MITF: variants seen among roughly 807,000 people sequenced by gnomAD.
MITF encodes the protein melanocyte inducing transcription factor, also known as microphthalmia-associated transcription factor.
MITF carries 17 observed loss-of-function variants against 60.5 expected under a neutral mutation model. The ratio of observed to expected loss-of-function variants is 0.28; its 90% CI spans 0.19 to 0.42. MITF has a LOEUF of 0.42. Among genes scored for constraint, MITF ranks in the 10% least tolerant of loss-of-function variants. The pLI is 1.00. For missense variants in MITF, 622 were observed against 683.5 expected (o/e 0.91, Z 1.00); for synonymous variants, 260 against 248.5 (o/e 1.05, Z -0.43).
intron 1 of MITF, among the ~76,000 whole-genome samples, chr3:69,821,406 G>A (rs2063269355): frequency 6.6e-6 from 1 of 152,066 alleles, no homozygotes. Flanking sequence ...GAGTCATAAA[G>A]CCTGAAAAAC....
intron 1 of MITF, among the ~76,000 whole-genome samples, chr3:69,780,678 T>C (rs1354459024): frequency 6.6e-6 from 1 of 152,172 alleles, no homozygotes; most frequent in African/African-American, 2.4e-5. Flanking sequence ...TCAGGACCTC[T>C]TGTGGCCTCT....
intron 9 of MITF, among the ~76,000 whole-genome samples, chr3:69,960,388 A>G (rs1393357770): frequency 6.6e-6 from 1 of 152,186 alleles, no homozygotes; most frequent in Non-Finnish European, 1.5e-5. Context: ...CTCAGTGGGT[A>G]TATGCACCAG....
At chr3:69,740,159 T>A (rs1297919626) in intron 1 of MITF, among the ~76,000 whole-genome samples, 1 of 151,934 alleles carries the variant, frequency 6.6e-6, no homozygotes, top group Non-Finnish European at 1.5e-5. Flanking sequence ...AGATGCGACA[T>A]TGGAGGGAAG....
chr3:69,940,929 G>T (rs970190204), intron 4 of MITF, among the ~76,000 whole-genome samples: 1 of 152,166 alleles, frequency 6.6e-6, no homozygotes, highest in Non-Finnish European at 1.5e-5. Flanking sequence ...AATAGTACCT[G>T]CCATGATACG....
At chr3:69,803,820 T>C (rs1176547003) in intron 1 of MITF, among the ~76,000 whole-genome samples, 2 of 151,742 alleles carry the variant, frequency 1.3e-5, no homozygotes, top group African/African-American at 4.8e-5. Flanking sequence ...TAATAACTCA[T>C]GTTTTTTTTT....
intron 7 of MITF, among the ~76,000 whole-genome samples, chr3:69,953,375 A>G (rs913446602): frequency 6.6e-6 from 1 of 152,080 alleles, no homozygotes; most frequent in African/African-American, 2.4e-5. Context: ...GTAAAGTGCA[A>G]ACATGATCAG....
At chr3:69,890,016 A>T (rs1253099978) in intron 2 of MITF, among the ~76,000 whole-genome samples, 2 of 152,162 alleles carry the variant, frequency 1.3e-5, no homozygotes, top group East Asian at 3.8e-4. Flanking sequence ...ACAATTATTA[A>T]TCACACGAAT....
At chr3:69,807,535 T>C (rs2063029378) in intron 1 of MITF, among the ~76,000 whole-genome samples, 1 of 152,248 alleles carries the variant, frequency 6.6e-6, no homozygotes, top group African/African-American at 2.4e-5. Context: ...AATGGAAATG[T>C]AATTTCATTT....
intron 2 of MITF, among the ~76,000 whole-genome samples, chr3:69,901,950 G>C (rs1448099624): frequency 2.6e-5 from 4 of 152,206 alleles, no homozygotes; most frequent in Non-Finnish European, 5.9e-5. Context: ...AGTAGAGGGA[G>C]CTGGCTTAGT....
intron 2 of MITF, among the ~76,000 whole-genome samples, chr3:69,929,047 A>G (rs1377326967): frequency 6.6e-6 from 1 of 152,148 alleles, no homozygotes; most frequent in African/African-American, 2.4e-5. Flanking sequence ...TAGTTCCTCT[A>G]GAGCTTTCTA....
At chr3:69,955,358 A>ATATTTG (rs2066370589) in intron 7 of MITF, among the ~76,000 whole-genome samples, 2 of 152,228 alleles carry the variant, frequency 1.3e-5, no homozygotes, top group Non-Finnish European at 2.9e-5. Context: ...AATGGATTTA[A>ATATTTG]GAAAATGTTA....
chr3:69,891,126 A>G (rs1266193331), intron 2 of MITF, among the ~76,000 whole-genome samples: 1 of 152,186 alleles, frequency 6.6e-6, no homozygotes, highest in Non-Finnish European at 1.5e-5. Context: ...AGTTGATTTC[A>G]GTTTTCCAGT....
chr3:69,900,156 A>G (rs2064964883), intron 2 of MITF, among the ~76,000 whole-genome samples: 2 of 152,116 alleles, frequency 1.3e-5, no homozygotes, highest in Non-Finnish European at 2.9e-5. Flanking sequence ...GGTGGGCCCT[A>G]TTGGGAGTGG....
intron 9 of MITF, among the ~76,000 whole-genome samples, chr3:69,960,326 TAGA>T (rs2066508702): frequency 6.6e-6 from 1 of 152,176 alleles, no homozygotes; most frequent in African/African-American, 2.4e-5. Flanking sequence ...TATACACCAT[TAGA>T]AGAAGACATA....
intron 1 of MITF, among the ~76,000 whole-genome samples, chr3:69,781,387 C>T (rs937994480): frequency 1.3e-5 from 2 of 152,044 alleles, no homozygotes; most frequent in Admixed American, 6.6e-5. Flanking sequence ...TTTATCATGG[C>T]GCTTTTTGTT....
chr3:69,803,024 G>A (rs943578866), intron 1 of MITF, among the ~76,000 whole-genome samples: 14 of 151,994 alleles, frequency 9.2e-5, no homozygotes, highest in Admixed American at 3.3e-4. Flanking sequence ...CGATCTGCCC[G>A]CCTCAGCCTC....
At chr3:69,814,325 T>C (rs56927902) in intron 1 of MITF, among the ~76,000 whole-genome samples, 23,416 of 152,026 alleles carry the variant, frequency 0.15, 2,104 homozygotes, top group South Asian at 0.21. Flanking sequence ...TAATAAGTCT[T>C]CTCCCATTCT....
intron 2 of MITF, among the ~76,000 whole-genome samples, chr3:69,891,769 A>G (rs1211732642): frequency 1.3e-5 from 2 of 152,234 alleles, no homozygotes; most frequent in Non-Finnish European, 2.9e-5. Flanking sequence ...CACTTTGAGA[A>G]GAAAGGGGAG....
rs114585563 is a variant in MITF, at chr3:69,930,579, G to C, written c.355-7243G>C. ...TACCTAAACACACTGTGTAAGATTT[G>C]CACAGTTGCCTGGCATCTAGTTGGT... On this transcript the variant is annotated intron_variant, in intron 2 of 9. Coordinates refer to ENST00000352241, the MANE Select transcript of MITF (RefSeq NM_001354604.2). Among the ~76,000 whole-genome samples, 389 of 152,292 alleles carry C rather than the reference G, an allele frequency of 2.6e-3. 1 individual carries two copies. The highest frequency in any genetic ancestry group is 8.9e-3 in the African/African-American group (371 of 41,560).
Sources: allele counts gnomAD v4.1 joint callset (sites outside exome capture counted in the v4.1 genomes callset), GRCh38; gene constraint gnomAD v4.1.1; transcripts MANE v1.5; gene names NCBI Gene and HGNC (gene_info 2026-07-23, HGNC 2026-07-21).